OSBPL2: variants seen among roughly 807,000 people sequenced by gnomAD.
The protein encoded by OSBPL2 is oxysterol-binding protein-related protein 2.
A neutral mutation model predicts 58.4 loss-of-function variants in OSBPL2; 18 were observed. That is an observed-to-expected ratio of 0.31 (90% CI 0.21 to 0.46). OSBPL2 has a LOEUF of 0.46. OSBPL2 is among the 20% of genes least tolerant of loss of function. OSBPL2 has a pLI of 1.00. For synonymous variants in OSBPL2, 221 were observed against 234.1 expected, an observed-to-expected ratio of 0.94 and a Z score of 0.51; for missense variants, 461 against 616.5, an observed-to-expected ratio of 0.75 and a Z score of 2.67.
chr20:62,289,467 G>A (rs917191967), intron 12 of OSBPL2, 137 bp downstream of exon 12: 23 of 988,374 alleles, frequency 2.3e-5, no homozygotes, highest in Admixed American at 7.9e-5. Context: ...AAACAAACAG[G>A]CAGGCTGCAG....
chr20:62,289,137 G>T, intron 11 of OSBPL2, 70 bp from the exon 12 acceptor site: 1 of 1,564,846 alleles, frequency 6.4e-7, no homozygotes, highest in Non-Finnish European at 8.7e-7. Flanking sequence ...GGGGCCCACT[G>T]GGGGTCTTGG....
intron 6 of OSBPL2, among the ~76,000 whole-genome samples, chr20:62,275,747 C>G (rs1429613441): frequency 1.3e-5 from 2 of 152,036 alleles, no homozygotes; most frequent in Admixed American, 1.3e-4. Context: ...TGTGCCCAGT[C>G]CAAGTCATAG....
At chr20:62,255,693 C>T (rs1438616905) in intron 1 of OSBPL2, among the ~76,000 whole-genome samples, 1 of 152,036 alleles carries the variant, frequency 6.6e-6, no homozygotes, top group East Asian at 1.9e-4. Context: ...TAGTTAGAGA[C>T]AGGGTTTCAC....
chr20:62,277,275 TAAATC>T lies in OSBPL2; in HGVS notation c.492-1880_492-1876del, dbSNP rs749556801. Reference sequence around the variant, plus strand: ...TCTCAAAAAAAGAAAAAGAAAAAGATAAATCAGAAGAGGAAAGAAGTTCTAGATGA... The same window carrying T: ...TCTCAAAAAAAGAAAAAGAAAAAGATAGAAGAGGAAAGAAGTTCTAGATGA... On this transcript the variant is annotated intron_variant, in intron 6 of 13. Transcript: ENST00000313733. Among the ~76,000 whole-genome samples the T allele has an allele frequency of 1.8e-4, 27 of 152,254 alleles. No individual in the cohort carries two copies. The South Asian group carries it at 5.6e-3, about 32-fold the overall frequency.
chr20:62,256,757 G>T (rs989263270), intron 2 of OSBPL2, among the ~76,000 whole-genome samples: 1 of 152,256 alleles, frequency 6.6e-6, no homozygotes, highest in African/African-American at 2.4e-5. Flanking sequence ...AGACCGTGTT[G>T]CAGGGCTCAT....
At chr20:62,247,591 C>A (rs1243562593) in intron 1 of OSBPL2, among the ~76,000 whole-genome samples, 2 of 151,618 alleles carry the variant, frequency 1.3e-5, no homozygotes, top group African/African-American at 4.8e-5. Context: ...CAGGAGGAGG[C>A]AGGAGGAGGC....
At chr20:62,251,354 G>A (rs531520163) in intron 1 of OSBPL2, among the ~76,000 whole-genome samples, 5 of 150,940 alleles carry the variant, frequency 3.3e-5, no homozygotes, top group East Asian at 3.9e-4. Flanking sequence ...CACCACGCCC[G>A]GACAATTTTT....
intron 3 of OSBPL2, among the ~76,000 whole-genome samples, chr20:62,262,438 G>A (rs550624432): frequency 1.3e-5 from 2 of 152,288 alleles, no homozygotes; most frequent in South Asian, 4.1e-4. Context: ...CGTATCCTTG[G>A]GGGATGCGAC....
At chr20:62,238,844 G>GGCCGGT (rs1304927627) in intron 1 of OSBPL2, 1 of 151,820 alleles carries the variant, frequency 6.6e-6, no homozygotes, top group Non-Finnish European at 1.5e-5. Flanking sequence ...CCGGGCGTGG[G>GGCCGGT]GCCTGGGCCT....
At chr20:62,239,670 T>A (rs1379651960) in intron 1 of OSBPL2, among the ~76,000 whole-genome samples, 1 of 152,106 alleles carries the variant, frequency 6.6e-6, no homozygotes, top group Admixed American at 6.5e-5. Flanking sequence ...CAGCTGGATG[T>A]GTGGTGAGGA....
At chr20:62,260,923 G>A (rs1021742322) in intron 3 of OSBPL2, among the ~76,000 whole-genome samples, 1 of 152,138 alleles carries the variant, frequency 6.6e-6, no homozygotes, top group East Asian at 1.9e-4. Context: ...CCAGAAGTTC[G>A]AGGCTATGGT....
intron 6 of OSBPL2, among the ~76,000 whole-genome samples, chr20:62,275,231 T>A (rs1433322929): frequency 6.6e-6 from 1 of 152,218 alleles, no homozygotes; most frequent in Non-Finnish European, 1.5e-5. Context: ...GTCAGCATTT[T>A]GTTAGACTTT....
intron 6 of OSBPL2, among the ~76,000 whole-genome samples, chr20:62,276,098 G>C (rs1982373072): frequency 6.6e-6 from 1 of 152,090 alleles, no homozygotes; most frequent in Admixed American, 6.5e-5. Context: ...CGTGTTTTCA[G>C]TAGAGACAGG....
intron 6 of OSBPL2, among the ~76,000 whole-genome samples, chr20:62,274,368 G>A (rs1362109348): frequency 6.6e-6 from 1 of 152,212 alleles, no homozygotes; most frequent in African/African-American, 2.4e-5. Flanking sequence ...TGAGAGGGAT[G>A]TGGGTGGCTT....
intron 3 of OSBPL2, 106 bp downstream of exon 3, chr20:62,260,231 C>A: frequency 1.8e-6 from 2 of 1,097,502 alleles, no homozygotes; most frequent in Non-Finnish European, 2.7e-6. Flanking sequence ...GGAGTGGCAC[C>A]CCCACAGCTG....
At chr20:62,264,434 G>A (rs1051847077) in intron 4 of OSBPL2, among the ~76,000 whole-genome samples, 2 of 152,170 alleles carry the variant, frequency 1.3e-5, no homozygotes, top group African/African-American at 2.4e-5. Context: ...GGAGTGTCCC[G>A]TGCCTCCTGT....
At chr20:62,247,359 G>A (rs934010551) in intron 1 of OSBPL2, among the ~76,000 whole-genome samples, 10 of 152,216 alleles carry the variant, frequency 6.6e-5, no homozygotes, top group Admixed American at 6.5e-4. Context: ...AGCAGAACCA[G>A]GCCTGTGGAA....
At chr20:62,242,724 CAG>C (rs756093171) in intron 1 of OSBPL2, 25 of 152,546 alleles carry the variant, frequency 1.6e-4, no homozygotes, top group South Asian at 4.1e-4. Context: ...TGAGGCAAGT[CAG>C]GGGTGGGAAG....
At chr20:62,243,854 TAAAAA>T (rs1003395674) in intron 1 of OSBPL2, among the ~76,000 whole-genome samples, 3 of 18,940 alleles carry the variant, frequency 1.6e-4, no homozygotes, top group Non-Finnish European at 2.6e-4. Flanking sequence ...ATTTTTTAAT[TAAAAA>T]AAAATTTTTT....
Sources: gnomAD v4.1 joint callset for allele counts (sites outside exome capture counted in the v4.1 genomes callset) on GRCh38, gnomAD v4.1.1 for gene constraint, MANE v1.5 for transcripts, NCBI Gene and HGNC (gene_info 2026-07-23, HGNC 2026-07-21) for gene names.